Variants in NAV2 observed in about 807,000 individuals in gnomAD.
NAV2 encodes helicase, APC down-regulated 1.
In NAV2, 54 loss-of-function variants were observed where a neutral mutation model predicts 223.2. The ratio of observed to expected loss-of-function variants is 0.24; its 90% CI spans 0.19 to 0.30. The LOEUF is 0.30. Ranked by LOEUF, NAV2 falls within the 10% of genes least tolerant of loss-of-function variation. The pLI is 1.00. For missense variants in NAV2, 2,806 were observed against 3,147.5 expected, an observed-to-expected ratio of 0.89 and a Z score of 2.60; for synonymous variants, 1,279 against 1,239.3, an observed-to-expected ratio of 1.03 and a Z score of -0.67.
At chr11:19,877,937 C>T (rs1256502458) in intron 4 of NAV2, among the ~76,000 whole-genome samples, 6 of 152,154 alleles carry the variant, frequency 3.9e-5, no homozygotes, top group Non-Finnish European at 7.4e-5. Flanking sequence ...CCACTGAGAA[C>T]ATTTGGAAGC....
At chr11:19,683,904 A>G (rs2152235994) in intron 1 of NAV2, among the ~76,000 whole-genome samples, 4 of 152,382 alleles carry the variant, frequency 2.6e-5, no homozygotes, top group Middle Eastern at 6.8e-3. Context: ...TATTCTGATT[A>G]AATTGTCTGC....
chr11:19,706,112 C>A (rs560833312), intron 1 of NAV2, among the ~76,000 whole-genome samples: 1 of 152,282 alleles, frequency 6.6e-6, no homozygotes, highest in African/African-American at 2.4e-5. Flanking sequence ...ATTTATATTT[C>A]CACTGATATG....
At chr11:19,470,339 C>T (rs2041924823) in intron 1 of NAV2, among the ~76,000 whole-genome samples, 1 of 152,160 alleles carries the variant, frequency 6.6e-6, no homozygotes, top group Admixed American at 6.5e-5. Flanking sequence ...TTTACCAAGC[C>T]ATGTGCAGGT....
At chr11:19,380,547 C>T (rs1243821108) in intron 1 of NAV2, 1 of 152,274 alleles carries the variant, frequency 6.6e-6, no homozygotes, top group Non-Finnish European at 1.5e-5. Context: ...TTCTCCATGA[C>T]AGCAGGCCAA....
At chr11:19,844,686 A>G (rs2060690266) in intron 3 of NAV2, among the ~76,000 whole-genome samples, 1 of 152,164 alleles carries the variant, frequency 6.6e-6, no homozygotes. Context: ...TTCTTTGCAA[A>G]TTTATTTCCA....
intron 1 of NAV2, among the ~76,000 whole-genome samples, chr11:19,375,274 C>T (rs1848603595): frequency 6.6e-6 from 1 of 152,196 alleles, no homozygotes; most frequent in African/African-American, 2.4e-5. Flanking sequence ...TGGTGGAAGA[C>T]CTCTGCAGAA....
At chr11:20,081,118 G>A (rs938213571) in intron 25 of NAV2, among the ~76,000 whole-genome samples, 3 of 152,092 alleles carry the variant, frequency 2.0e-5, no homozygotes, top group South Asian at 4.1e-4. Flanking sequence ...GATGGGTGGC[G>A]AGGTCTAGTG....
rs2050021287 is a variant in NAV2, at chr11:19,713,600, G to A, written c.-96G>A. ...TGGTGGTGGGCGCCTCGTGGGCTAAGGCCCGGCGCCTGCTCTGCTACCCGC... is the reference window on the plus strand; with the variant it reads ...TGGTGGTGGGCGCCTCGTGGGCTAAAGCCCGGCGCCTGCTCTGCTACCCGC... On this transcript the variant is annotated 5_prime_UTR_variant, in exon 1 of 38. Transcript: ENST00000349880. The surrounding 1 kb of genome is among the most constrained non-coding windows in gnomAD (Gnocchi z 7.2). 1 of 1,443,556 alleles carries A rather than the reference G, an allele frequency of 6.9e-7. No individual in the cohort carries two copies. Among genetic ancestry groups the A allele is most frequent in the Non-Finnish European group, 9.1e-7 (1 of 1,097,704 alleles). The allele number at this position is 1,443,556 out of a possible 1,614,324, so 89.4% of individuals were successfully genotyped here. A position where few individuals can be genotyped will look rare whatever the true frequency, so the allele number is the denominator to read the frequency against.
chr11:19,722,907 G>A (rs1008035433), intron 1 of NAV2, among the ~76,000 whole-genome samples: 5 of 152,210 alleles, frequency 3.3e-5, no homozygotes, highest in African/African-American at 1.2e-4. Flanking sequence ...TGCCTGGTCT[G>A]GCTGAGTAGA....
intron 11 of NAV2, chr11:20,022,436 C>A: frequency 2.3e-6 from 1 of 432,468 alleles, no homozygotes; most frequent in Non-Finnish European, 3.1e-6. Context: ...GGAATTAATG[C>A]ATATTTTTGT....
intron 1 of NAV2, among the ~76,000 whole-genome samples, chr11:19,375,868 CACACAA>C (rs1848625618): frequency 6.6e-6 from 1 of 152,090 alleles, no homozygotes; most frequent in Non-Finnish European, 1.5e-5. Context: ...TTAGCCTTTC[CACACAA>C]GATTCGTTTT....
At chr11:19,935,047 C>T (rs1372990) in intron 7 of NAV2, among the ~76,000 whole-genome samples, 57,647 of 152,046 alleles carry the variant, frequency 0.38, 13,485 homozygotes, top group Non-Finnish European at 0.53. Context: ...CACCACACCC[C>T]TTGCTGAATG....
intron 10 of NAV2, among the ~76,000 whole-genome samples, chr11:19,983,918 C>CT (rs200327883): frequency 0.089 from 13,519 of 152,156 alleles, 669 homozygotes; most frequent in South Asian, 0.12. Context: ...TCTTTTTTCA[C>CT]CTTTTTGTTA....
intron 1 of NAV2, among the ~76,000 whole-genome samples, chr11:19,412,191 C>T (rs1590154725): frequency 6.6e-6 from 1 of 152,194 alleles, no homozygotes; most frequent in East Asian, 1.9e-4. Flanking sequence ...TTCTTGCTGT[C>T]AGCATAGCAG....
intron 22 of NAV2, among the ~76,000 whole-genome samples, chr11:20,072,175 C>T (rs991268196): frequency 2.6e-5 from 4 of 152,198 alleles, no homozygotes; most frequent in Non-Finnish European, 5.9e-5. Context: ...GTTTTGCCAA[C>T]ACCATTTATT....
intron 1 of NAV2, among the ~76,000 whole-genome samples, chr11:19,564,079 C>G (rs2045185631): frequency 1.3e-5 from 2 of 152,270 alleles, no homozygotes; most frequent in African/African-American, 4.8e-5. Context: ...ATCAGGAGCC[C>G]GTCCCCACCT....
At chr11:19,405,834 C>T (rs1406966383) in intron 1 of NAV2, among the ~76,000 whole-genome samples, 3 of 152,184 alleles carry the variant, frequency 2.0e-5, no homozygotes, top group African/African-American at 7.2e-5. Flanking sequence ...TCTTATTAGG[C>T]CTTTGAGTAA....
At chr11:20,028,356 T>C (rs1170283970) in intron 11 of NAV2, among the ~76,000 whole-genome samples, 1 of 152,202 alleles carries the variant, frequency 6.6e-6, no homozygotes, top group East Asian at 1.9e-4. Flanking sequence ...ATGGATTTTC[T>C]GGTCACTTTT....
chr11:19,673,876 A>G (rs941796733), intron 1 of NAV2, among the ~76,000 whole-genome samples: 1 of 152,164 alleles, frequency 6.6e-6, no homozygotes, highest in Non-Finnish European at 1.5e-5. Flanking sequence ...CAGACCCAAG[A>G]TGACTTGAAT....
Sources: allele counts gnomAD v4.1 joint callset (sites outside exome capture counted in the v4.1 genomes callset), GRCh38; gene constraint gnomAD v4.1.1; non-coding constraint Gnocchi (gnomAD v3.1); transcripts MANE v1.5; gene names NCBI Gene and HGNC (gene_info 2026-07-23, HGNC 2026-07-21).